The following ITGA8 variants were observed in gnomAD, a reference collection of about 807,000 sequenced individuals.
The protein encoded by ITGA8 is integrin alpha-8.
ITGA8 carries 91 observed loss-of-function variants against 142.3 expected under a neutral mutation model. That is an observed-to-expected ratio of 0.64 (90% CI 0.54 to 0.76). ITGA8 has a LOEUF of 0.76. Ranked by LOEUF, ITGA8 falls within the 30% of genes least tolerant of loss-of-function variation. The pLI is 0.00. For missense variants in ITGA8, 1,406 were observed against 1,327.7 expected (o/e 1.06, Z -0.92); for synonymous variants, 505 against 485.2 (o/e 1.04, Z -0.54).
chr10:15,528,183 G>A (rs1049709160), intron 28 of ITGA8, among the ~76,000 whole-genome samples: 1 of 152,094 alleles, frequency 6.6e-6, no homozygotes, highest in Non-Finnish European at 1.5e-5. Flanking sequence ...CAATCTGCCT[G>A]CCTTGGCCTC....
chr10:15,702,449 C>A (rs183995063), intron 2 of ITGA8, among the ~76,000 whole-genome samples: 1 of 152,188 alleles, frequency 6.6e-6, no homozygotes, highest in Non-Finnish European at 1.5e-5. Flanking sequence ...CCCCACTGTG[C>A]CCAGCTAATT....
chr10:15,700,737 C>T, intron 2 of ITGA8, among the ~76,000 whole-genome samples: 1 of 152,124 alleles, frequency 6.6e-6, no homozygotes, highest in Admixed American at 6.5e-5. Flanking sequence ...AACAAACAAT[C>T]CCATCAAAAA....
intron 20 of ITGA8, among the ~76,000 whole-genome samples, chr10:15,597,596 AT>A (rs1192705546): frequency 7.9e-5 from 12 of 152,208 alleles, no homozygotes; most frequent in African/African-American, 2.9e-4. Flanking sequence ...ACTAAGATTA[AT>A]GTGAAACTCA....
intron 20 of ITGA8, among the ~76,000 whole-genome samples, chr10:15,597,972 A>G (rs1833036573): frequency 6.6e-6 from 1 of 152,214 alleles, no homozygotes; most frequent in African/African-American, 2.4e-5. Flanking sequence ...GAGGGGAAAT[A>G]CAGATTTGTT....
At chr10:15,523,419 A>G (rs531507549) in intron 28 of ITGA8, among the ~76,000 whole-genome samples, 1 of 152,328 alleles carries the variant, frequency 6.6e-6, no homozygotes, top group Non-Finnish European at 1.5e-5. Context: ...TTATAGGGAT[A>G]GTTACAGAAC....
At chr10:15,593,219 T>C (rs1832955136) in intron 21 of ITGA8, among the ~76,000 whole-genome samples, 1 of 152,226 alleles carries the variant, frequency 6.6e-6, no homozygotes, top group African/African-American at 2.4e-5. Flanking sequence ...AAAACTGCTT[T>C]TATTATTTTC....
At chr10:15,530,541 CA>C (rs57521125) in intron 28 of ITGA8, among the ~76,000 whole-genome samples, 39 of 75,222 alleles carry the variant, frequency 5.2e-4, no homozygotes, top group African/African-American at 1.8e-3. Context: ...GCGAGACTCT[CA>C]AAAAAAAAAA....
At chr10:15,653,001 G>A (rs1035673607) in intron 11 of ITGA8, among the ~76,000 whole-genome samples, 3 of 152,228 alleles carry the variant, frequency 2.0e-5, no homozygotes, top group East Asian at 1.9e-4. Context: ...CTAGTCCATG[G>A]CAGAGTTTGT....
chr10:15,651,054 A>G (rs1834076695), intron 11 of ITGA8, among the ~76,000 whole-genome samples: 2 of 152,160 alleles, frequency 1.3e-5, no homozygotes, highest in African/African-American at 2.4e-5. Flanking sequence ...CAAGTTAACC[A>G]CTAAGAATCT....
intron 6 of ITGA8, among the ~76,000 whole-genome samples, chr10:15,676,380 T>C (rs1159310235): frequency 6.6e-6 from 1 of 152,176 alleles, no homozygotes; most frequent in Non-Finnish European, 1.5e-5. Flanking sequence ...GAGCACAGGT[T>C]GTATTCCAGC....
intron 8 of ITGA8, among the ~76,000 whole-genome samples, chr10:15,669,407 G>A (rs142120646): frequency 7.3e-4 from 111 of 152,226 alleles, no homozygotes; most frequent in African/African-American, 2.6e-3. Flanking sequence ...GGTTATTCTA[G>A]TTATCCATTC....
At chr10:15,590,743 G>T (rs1428324621) in intron 22 of ITGA8, among the ~76,000 whole-genome samples, 1 of 152,146 alleles carries the variant, frequency 6.6e-6, no homozygotes, top group African/African-American at 2.4e-5. Context: ...ACAAAGAAAT[G>T]ATTTAACATG....
chr10:15,611,886 C>T (rs190167590), intron 15 of ITGA8, among the ~76,000 whole-genome samples: 1 of 151,780 alleles, frequency 6.6e-6, no homozygotes, highest in Non-Finnish European at 1.5e-5. Flanking sequence ...TTATCTAGTT[C>T]AAAACAACAA....
chr10:15,679,266 T>C (rs1238412254), intron 4 of ITGA8, among the ~76,000 whole-genome samples: 1 of 152,172 alleles, frequency 6.6e-6, no homozygotes, highest in Non-Finnish European at 1.5e-5. Context: ...ACTGTTACGC[T>C]CTTTAAGAGG....
intron 13 of ITGA8, among the ~76,000 whole-genome samples, chr10:15,636,603 C>T (rs1254066015): frequency 1.3e-5 from 2 of 152,166 alleles, no homozygotes; most frequent in Non-Finnish European, 2.9e-5. Context: ...GCATTCAAAT[C>T]TGAGTCATCT....
At position 15,531,642 on chromosome 10, in the gene ITGA8, T is replaced by C. The variant is rs189749715; in HGVS notation, c.2881-491A>G. 6.4e-4 allele frequency among the ~76,000 whole-genome samples: 97 copies of C among 152,212 alleles called. 1 individual carries two copies. Among genetic ancestry groups the C allele is most frequent in the African/African-American group, 2.2e-3 (92 of 41,532 alleles). Reference sequence around the variant, plus strand: ...TAGGAGAGAAACTGGCAGTAAGTTATAAAGAAATGTATTGGCTGGGCGCAG... The same window carrying C: ...TAGGAGAGAAACTGGCAGTAAGTTACAAAGAAATGTATTGGCTGGGCGCAG... On this transcript the variant is annotated intron_variant, in intron 27 of 29. Transcript: ENST00000378076.
chr10:15,638,459 G>A (rs1257364871), intron 13 of ITGA8, among the ~76,000 whole-genome samples: 2 of 152,126 alleles, frequency 1.3e-5, no homozygotes, highest in Non-Finnish European at 2.9e-5. Flanking sequence ...CACAGAAAAG[G>A]GTTTACATCA....
chr10:15,546,185 G>C (rs1488934853), intron 27 of ITGA8, among the ~76,000 whole-genome samples: 1 of 152,010 alleles, frequency 6.6e-6, no homozygotes, highest in African/African-American at 2.4e-5. Context: ...TTATCCCACT[G>C]CCCTGATCTC....
intron 13 of ITGA8, among the ~76,000 whole-genome samples, chr10:15,640,053 C>A (rs1228839161): frequency 6.6e-6 from 1 of 152,180 alleles, no homozygotes; most frequent in Admixed American, 6.5e-5. Context: ...TGAGGACCTA[C>A]GTACAGGGCA....
Sources: gnomAD v4.1 joint callset for allele counts (sites outside exome capture counted in the v4.1 genomes callset) on GRCh38, gnomAD v4.1.1 for gene constraint, MANE v1.5 for transcripts, NCBI Gene and HGNC (gene_info 2026-07-23, HGNC 2026-07-21) for gene names.